The following ADAP2 variants were observed in gnomAD, a reference collection of about 807,000 sequenced individuals.
The protein encoded by ADAP2 is arf-GAP with dual PH domain-containing protein 2.
In ADAP2, 42 loss-of-function variants were observed where a neutral mutation model predicts 54.9. The observed-to-expected ratio is 0.77, with a 90% CI of 0.60 to 0.99. The LOEUF (loss-of-function observed/expected upper bound fraction) is 0.99. Among genes scored for constraint, ADAP2 ranks in the 50% least tolerant of loss-of-function variants. The pLI, the probability that ADAP2 is intolerant of heterozygous loss-of-function variation, is 0.00. For synonymous variants in ADAP2, 177 were observed against 180.1 expected, an observed-to-expected ratio of 0.98 and a Z score of 0.14; for missense variants, 429 against 480.4, an observed-to-expected ratio of 0.89 and a Z score of 1.00.
In ADAP2 at chr17:30,931,889, G is replaced by A. The variant is rs1301335937; in HGVS notation, c.318G>A (p.Leu106=). ...FYYIPQANDC[L]VLKEQWIRAK... Reference sequence around the variant, plus strand: ...CTGACCTCAGGCTCTCTCTTTTTAGGGTCTTAAAGGAACAATGGATTCGAG... The same window carrying A: ...CTGACCTCAGGCTCTCTCTTTTTAGAGTCTTAAAGGAACAATGGATTCGAG... The change falls in exon 4 of 11, where the codon CTG becomes CTA. Residue 106 remains leucine, a splice_region_variant and synonymous_variant. Transcript: ENST00000330889. 8.1e-6 allele frequency: 13 copies of A among 1,612,196 alleles called. No individual in the cohort carries two copies. The highest frequency in any genetic ancestry group is 1.1e-5 in the Non-Finnish European group (13 of 1,179,390).
chr17:30,922,538 C>G (rs1403732439), intron 1 of ADAP2, among the ~76,000 whole-genome samples: 1 of 152,180 alleles, frequency 6.6e-6, no homozygotes, highest in Non-Finnish European at 1.5e-5. Flanking sequence ...CCCAGGCCGC[C>G]GACAGTCCTG....
chr17:30,931,254 A>G (rs1422149247), intron 3 of ADAP2, among the ~76,000 whole-genome samples: 1 of 152,152 alleles, frequency 6.6e-6, no homozygotes, highest in Non-Finnish European at 1.5e-5. Flanking sequence ...TGGTTCTCAT[A>G]TAGCCCACTG....
intron 10 of ADAP2, 152 bp from the exon 11 acceptor site, chr17:30,957,683 G>C: frequency 1.5e-6 from 1 of 666,828 alleles, no homozygotes; most frequent in Non-Finnish European, 2.6e-6. Context: ...CACCTGCCTC[G>C]GCCTCCCAAA....
chr17:30,924,885 T>G (rs1376317395), intron 2 of ADAP2, among the ~76,000 whole-genome samples: 1 of 151,514 alleles, frequency 6.6e-6, no homozygotes, highest in East Asian at 1.9e-4. Flanking sequence ...GTTTTTTTTT[T>G]TTTTGAGACG....
At chr17:30,937,582 G>A (rs540983382) in intron 5 of ADAP2, among the ~76,000 whole-genome samples, 1 of 152,314 alleles carries the variant, frequency 6.6e-6, no homozygotes, top group South Asian at 2.1e-4. Context: ...GGAGGAAGGA[G>A]GCCAGAGCAG....
At chr17:30,948,914 CAG>C (rs1387390110) in intron 6 of ADAP2, among the ~76,000 whole-genome samples, 3 of 152,222 alleles carry the variant, frequency 2.0e-5, no homozygotes, top group African/African-American at 7.2e-5. Flanking sequence ...GTTAGGAATG[CAG>C]AGTCTTGGGC....
At chr17:30,926,805 T>A in intron 2 of ADAP2, 22 bp from the exon 3 acceptor site, 1 of 1,610,164 alleles carries the variant, frequency 6.2e-7, no homozygotes, top group African/African-American at 1.3e-5. Context: ...TAATATTACC[T>A]CAGGTTGCTG....
chr17:30,940,510 G>A (rs1257008145), intron 5 of ADAP2, among the ~76,000 whole-genome samples: 1 of 152,054 alleles, frequency 6.6e-6, no homozygotes, highest in African/African-American at 2.4e-5. Flanking sequence ...TCACCATGTT[G>A]GCCAGGCTGG....
rs1376528584 is a variant in ADAP2 at position 30,949,320 on chromosome 17, G to A, written c.691G>A (p.Ala231Thr). The change falls in exon 7 of 11, where the codon GCC (alanine) becomes ACC (threonine). Residue 231 changes from alanine (A) to threonine (T), a missense_variant. By Grantham distance (58) the Ala-to-Thr change is moderately conservative. Coordinates refer to ENST00000330889, the MANE Select transcript of ADAP2 (RefSeq NM_018404.3). ...GGACTGGTTCAATGCCCTCCGTGCA[G>A]CCCGTCTGCAGTACCTAAAAATGGC... The part of the protein sequence containing the change: ...IVDWFNALRA[A>T]RLQYLKMAFP... The A allele has an allele frequency of 1.2e-6, 2 of 1,614,176 alleles. No homozygotes were observed. Among genetic ancestry groups the A allele is most frequent in the South Asian group, 2.2e-5 (2 of 91,084 alleles).
At position 30,921,993 on chromosome 17, in the gene ADAP2, C is replaced by G. The variant is rs1022388371; in HGVS notation, c.-22C>G. The G allele has an allele frequency of 1.6e-6, 2 of 1,263,072 alleles. No homozygotes were observed. The highest frequency in any genetic ancestry group is 2.0e-6 in the Non-Finnish European group (2 of 1,007,294). 78.2% of individuals were successfully genotyped at this position (1,263,072 alleles called of 1,614,324 possible). On this transcript the variant is annotated 5_prime_UTR_variant, in exon 1 of 11. Coordinates refer to ENST00000330889, the MANE Select transcript of ADAP2 (RefSeq NM_018404.3). Reference sequence around the variant, plus strand: ...AGCGCACGGGCCATGGGCTGAGCCCCGCTGAGCCCGCCGGGCCGGCCATGG... The same window carrying G: ...AGCGCACGGGCCATGGGCTGAGCCCGGCTGAGCCCGCCGGGCCGGCCATGG...
intron 9 of ADAP2, among the ~76,000 whole-genome samples, chr17:30,955,258 C>T (rs1904981083): frequency 6.6e-6 from 1 of 151,462 alleles, no homozygotes; most frequent in Non-Finnish European, 1.5e-5. Context: ...TACAGGCATG[C>T]ATCACCATGC....
chr17:30,922,719 G>A (rs1910726159), intron 1 of ADAP2, among the ~76,000 whole-genome samples: 1 of 152,208 alleles, frequency 6.6e-6, no homozygotes, highest in Non-Finnish European at 1.5e-5. Flanking sequence ...CTTCCACGTC[G>A]CGCAGCCTCA....
At chr17:30,924,767 A>G (rs1186501573) in intron 2 of ADAP2, among the ~76,000 whole-genome samples, 3 of 152,192 alleles carry the variant, frequency 2.0e-5, no homozygotes, top group Non-Finnish European at 2.9e-5. Context: ...CAGAGCTTAC[A>G]TTCTAGTGTG....
intron 5 of ADAP2, among the ~76,000 whole-genome samples, chr17:30,940,689 C>A (rs1912211530): frequency 6.6e-6 from 1 of 152,180 alleles, no homozygotes; most frequent in African/African-American, 2.4e-5. Flanking sequence ...ATAATCACTT[C>A]CCATTGAAAC....
At chr17:30,947,679 A>G (rs1037417924) in intron 6 of ADAP2, among the ~76,000 whole-genome samples, 4 of 152,194 alleles carry the variant, frequency 2.6e-5, no homozygotes, top group African/African-American at 9.6e-5. Flanking sequence ...ACCCCAGGAC[A>G]AGAGAGCACA....
intron 4 of ADAP2, 138 bp from the exon 5 acceptor site, chr17:30,934,047 G>A: frequency 1.6e-6 from 1 of 628,802 alleles, no homozygotes; most frequent in South Asian, 2.0e-5. Context: ...TTCTGCAGCT[G>A]AAATAGGGAA....
At chr17:30,951,644 C>A (rs943504613) in intron 7 of ADAP2, among the ~76,000 whole-genome samples, 30 of 127,766 alleles carry the variant, frequency 2.3e-4, no homozygotes, top group African/African-American at 9.1e-4. Context: ...CCAATATTTT[C>A]TTTTCTTTTC....
At chr17:30,927,889 A>C (rs978503418) in intron 3 of ADAP2, among the ~76,000 whole-genome samples, 1 of 152,046 alleles carries the variant, frequency 6.6e-6, no homozygotes, top group African/African-American at 2.4e-5. Flanking sequence ...TAGCCAGGGC[A>C]TAGTAGCACG....
Position 30,949,345 on chromosome 17 carries a change from C to T in ADAP2, c.716C>T (p.Ala239Val), listed in dbSNP as rs747968126. ...RAARLQYLKMAFPELPESELV... is the reference protein window; with the variant it reads ...RAARLQYLKMVFPELPESELV... Reference sequence around the variant, plus strand: ...GCCCGTCTGCAGTACCTAAAAATGGCCTTTCCTGAACTCCCAGAGTCTGAG... The same window carrying T: ...GCCCGTCTGCAGTACCTAAAAATGGTCTTTCCTGAACTCCCAGAGTCTGAG... The change falls in exon 7 of 11, where the codon GCC becomes GTC. Residue 239 changes from alanine to valine, a missense_variant. Coordinates refer to ENST00000330889, the MANE Select transcript of ADAP2 (RefSeq NM_018404.3). 2.7e-5 allele frequency: 44 copies of T among 1,614,048 alleles called. No homozygotes were observed. Among genetic ancestry groups the T allele is most frequent in the Non-Finnish European group, 3.6e-5 (42 of 1,180,012 alleles).
Sources: allele counts gnomAD v4.1 joint callset (sites outside exome capture counted in the v4.1 genomes callset), GRCh38; gene constraint gnomAD v4.1.1; transcripts MANE v1.5; gene names NCBI Gene and HGNC (gene_info 2026-07-23, HGNC 2026-07-21).